Variants in SHISA6 observed in about 807,000 individuals in gnomAD.
SHISA6 encodes the protein protein shisa-6.
Under a neutral mutation model 47.9 loss-of-function variants are expected in SHISA6, and 22 were observed. That is an observed-to-expected ratio of 0.46 (90% CI 0.33 to 0.66). The LOEUF is 0.66. SHISA6 is among the 30% of genes least tolerant of loss of function. The probability of loss-of-function intolerance (pLI) is 0.02; values close to 1 mark genes in which losing one functional copy is unlikely to be tolerated. For synonymous variants in SHISA6, 388 were observed against 337.8 expected, an observed-to-expected ratio of 1.15 and a Z score of -1.63; for missense variants, 680 against 764.6, an observed-to-expected ratio of 0.89 and a Z score of 1.30.
intron 3 of SHISA6, among the ~76,000 whole-genome samples, chr17:11,459,174 G>A (rs988859309): frequency 2.6e-4 from 37 of 143,248 alleles, no homozygotes; most frequent in Non-Finnish European, 4.8e-4. Context: ...AGCCAAAATC[G>A]CACCACTTCA....
At chr17:11,387,449 G>A (rs1913235011) in intron 3 of SHISA6, among the ~76,000 whole-genome samples, 1 of 152,172 alleles carries the variant, frequency 6.6e-6, no homozygotes, top group South Asian at 2.1e-4. Flanking sequence ...CCGATCTGAG[G>A]AGGAGGAGCT....
At chr17:11,504,178 G>A (rs2142349541) in intron 3 of SHISA6, among the ~76,000 whole-genome samples, 1 of 152,250 alleles carries the variant, frequency 6.6e-6, no homozygotes, top group East Asian at 1.9e-4. Context: ...TATATGAGGA[G>A]GAAGAGGGAA....
At chr17:11,371,262 C>T (rs1222723022) in intron 2 of SHISA6, among the ~76,000 whole-genome samples, 1 of 152,128 alleles carries the variant, frequency 6.6e-6, no homozygotes, top group African/African-American at 2.4e-5. Context: ...GGCTCCCAGC[C>T]CCCTTCTCAT....
At chr17:11,328,138 C>T (rs1374371270) in intron 2 of SHISA6, among the ~76,000 whole-genome samples, 1 of 152,126 alleles carries the variant, frequency 6.6e-6, no homozygotes, top group Admixed American at 6.5e-5. Context: ...GATACAAAAA[C>T]TATGTCAAGG....
intron 3 of SHISA6, among the ~76,000 whole-genome samples, chr17:11,501,569 T>C (rs1300218806): frequency 6.6e-6 from 1 of 152,102 alleles, no homozygotes; most frequent in African/African-American, 2.4e-5. Flanking sequence ...TTTCTAGGAA[T>C]GGGAGGCTGC....
intron 3 of SHISA6, among the ~76,000 whole-genome samples, chr17:11,508,767 C>T (rs2071520710): frequency 7.2e-6 from 1 of 138,596 alleles, no homozygotes; most frequent in Admixed American, 7.2e-5. Flanking sequence ...GACTCTGTAC[C>T]ATGCACTCCT....
intron 2 of SHISA6, among the ~76,000 whole-genome samples, chr17:11,287,689 A>AAG (rs1567561418): frequency 1.1e-3 from 2 of 1,842 alleles, no homozygotes; most frequent in South Asian, 0.091. Flanking sequence ...AGAGAGAGAG[A>AAG]GAGAAAGGGG....
intron 3 of SHISA6, among the ~76,000 whole-genome samples, chr17:11,431,486 C>T (rs1049854248): frequency 2.0e-5 from 3 of 152,196 alleles, no homozygotes; most frequent in African/African-American, 7.2e-5. Context: ...TAGCTTTTCC[C>T]ATGGTCCAAG....
intron 3 of SHISA6, among the ~76,000 whole-genome samples, chr17:11,465,836 C>T (rs1008996571): frequency 3.3e-5 from 5 of 152,168 alleles, no homozygotes; most frequent in Admixed American, 6.5e-5. Flanking sequence ...CCGTGGCGAA[C>T]GCAGTCTCCA....
At chr17:11,304,963 GCA>G (rs990134472) in intron 2 of SHISA6, among the ~76,000 whole-genome samples, 13 of 152,302 alleles carry the variant, frequency 8.5e-5, no homozygotes, top group African/African-American at 3.1e-4. Context: ...ATGTTTCGAT[GCA>G]CAGCTTTGTT....
intron 3 of SHISA6, among the ~76,000 whole-genome samples, chr17:11,542,556 A>G (rs1247519923): frequency 1.3e-5 from 2 of 152,162 alleles, no homozygotes; most frequent in East Asian, 3.8e-4. Flanking sequence ...ACACATATTA[A>G]TTGTTAGAAT....
At chr17:11,461,396 CAAAAAAA>C (rs778616587) in intron 3 of SHISA6, among the ~76,000 whole-genome samples, 27 of 76,660 alleles carry the variant, frequency 3.5e-4, no homozygotes, top group African/African-American at 8.6e-4. Context: ...GACTCCATCT[CAAAAAAA>C]AAAAAAAAAA....
intron 3 of SHISA6, among the ~76,000 whole-genome samples, chr17:11,444,801 T>C (rs1055463062): frequency 6.6e-6 from 1 of 152,158 alleles, no homozygotes; most frequent in African/African-American, 2.4e-5. Flanking sequence ...GATTGACAAT[T>C]GGTAAACAAG....
At chr17:11,480,807 T>C (rs747563332) in intron 3 of SHISA6, among the ~76,000 whole-genome samples, 2 of 152,186 alleles carry the variant, frequency 1.3e-5, no homozygotes, top group Non-Finnish European at 2.9e-5. Flanking sequence ...CCATCCAGGA[T>C]AGAAGATAGA....
At chr17:11,365,126 C>G (rs958124090) in intron 2 of SHISA6, among the ~76,000 whole-genome samples, 1 of 152,040 alleles carries the variant, frequency 6.6e-6, no homozygotes, top group Non-Finnish European at 1.5e-5. Context: ...CAGAAGCTCT[C>G]GCTCATAAAT....
chr17:11,506,139 G>A (rs933707283), intron 3 of SHISA6, among the ~76,000 whole-genome samples: 10 of 152,336 alleles, frequency 6.6e-5, no homozygotes, highest in Non-Finnish European at 1.3e-4. Flanking sequence ...TGAAGCTGAT[G>A]AAAATTCATT....
At chr17:11,371,039 C>T (rs1912616750) in intron 2 of SHISA6, among the ~76,000 whole-genome samples, 1 of 152,224 alleles carries the variant, frequency 6.6e-6, no homozygotes, top group South Asian at 2.1e-4. Flanking sequence ...CTGGAGGACA[C>T]AGTCTTCATG....
intron 3 of SHISA6, among the ~76,000 whole-genome samples, chr17:11,396,076 A>G (rs1913562736): frequency 6.6e-6 from 1 of 152,162 alleles, no homozygotes; most frequent in Admixed American, 6.5e-5. Context: ...TATTGTCTTG[A>G]GTTTTTTTAT....
intron 4 of SHISA6, among the ~76,000 whole-genome samples, chr17:11,553,193 G>T (rs2071945988): frequency 6.6e-6 from 1 of 152,182 alleles, no homozygotes; most frequent in Non-Finnish European, 1.5e-5. Flanking sequence ...CTGGAGGAAG[G>T]TTAGAGCTGA....
Sources: allele counts gnomAD v4.1 joint callset (sites outside exome capture counted in the v4.1 genomes callset), GRCh38; gene constraint gnomAD v4.1.1; transcripts MANE v1.5; gene names NCBI Gene and HGNC (gene_info 2026-07-23, HGNC 2026-07-21).